Variants in EIF3D observed in about 807,000 individuals in gnomAD.
EIF3D encodes the protein eukaryotic translation initiation factor 3 subunit D, also known as eIF3 p66.
A neutral mutation model predicts 75.4 loss-of-function variants in EIF3D; 10 were observed. The ratio of observed to expected loss-of-function variants is 0.13; its 90% CI spans 0.08 to 0.22. The LOEUF (loss-of-function observed/expected upper bound fraction) is 0.22. EIF3D is among the 10% of genes least tolerant of loss of function. The probability of loss-of-function intolerance (pLI) is 1.00; values close to 1 mark genes in which losing one functional copy is unlikely to be tolerated. For missense variants in EIF3D, 394 were observed against 708.0 expected (o/e 0.56, Z 5.03); for synonymous variants, 246 against 248.3 (o/e 0.99, Z 0.09).
chr22:36,521,858 AC>A (rs1191100800), intron 6 of EIF3D, among the ~76,000 whole-genome samples: 8 of 151,908 alleles, frequency 5.3e-5, no homozygotes, highest in African/African-American at 1.9e-4. Flanking sequence ...AATCACTTTA[AC>A]CCGGGAGGCG....
At chr22:36,525,748 AC>A (rs774146602) in intron 2 of EIF3D, 39 bp from the exon 3 acceptor site, 1 of 1,599,450 alleles carries the variant, frequency 6.3e-7, no homozygotes, top group Non-Finnish European at 8.5e-7. Flanking sequence ...GCACAGGTCA[AC>A]CAGGCAAGTT....
At chr22:36,524,571 G>C (rs1159105760) in intron 4 of EIF3D, 25 bp downstream of exon 4, 1 of 1,613,838 alleles carries the variant, frequency 6.2e-7, no homozygotes, top group Non-Finnish European at 8.5e-7. Flanking sequence ...CCCCAAGATG[G>C]TGTGGTTGCT....
intron 12 of EIF3D, among the ~76,000 whole-genome samples, chr22:36,514,421 A>G (rs561056455): frequency 6.6e-6 from 1 of 152,254 alleles, no homozygotes; most frequent in East Asian, 1.9e-4. Flanking sequence ...CCTACCTTGT[A>G]TGTCAAAAGG....
intron 6 of EIF3D, among the ~76,000 whole-genome samples, chr22:36,520,903 C>T (rs957064298): frequency 1.3e-5 from 2 of 149,966 alleles, no homozygotes; most frequent in Admixed American, 1.3e-4. Flanking sequence ...CTGAGTGACA[C>T]GAGATCCTGT....
intron 9 of EIF3D, 141 bp from the exon 10 acceptor site, chr22:36,517,572 G>A (rs1934448019): frequency 3.2e-6 from 3 of 945,316 alleles, no homozygotes; most frequent in South Asian, 4.1e-5. Context: ...GGTCTCCCTG[G>A]TGTGGAACAC....
At chr22:36,511,294 C>A in intron 14 of EIF3D, 1 of 1,044,740 alleles carries the variant, frequency 9.6e-7, no homozygotes, top group East Asian at 2.5e-5. Context: ...CCAGCCGCTT[C>A]TCTAAAACAC....
intron 3 of EIF3D, 85 bp from the exon 4 acceptor site, chr22:36,524,817 T>C (rs1934570418): frequency 1.3e-6 from 2 of 1,575,940 alleles, no homozygotes; most frequent in South Asian, 1.1e-5. Flanking sequence ...CTATTTCAAG[T>C]GTGGTCTTGA....
At chr22:36,515,419 T>A (rs191213730) in intron 12 of EIF3D, among the ~76,000 whole-genome samples, 2 of 152,034 alleles carry the variant, frequency 1.3e-5, no homozygotes, top group East Asian at 3.9e-4. Flanking sequence ...TCCTAGCTAC[T>A]CGGGAGGCTG....
chr22:36,510,948 T>C lies in EIF3D; in HGVS notation c.*39A>G. 3.8e-6 allele frequency: 6 copies of C among 1,591,808 alleles called. No homozygotes were observed. Among genetic ancestry groups the C allele is most frequent in the Non-Finnish European group, 5.1e-6 (6 of 1,172,358 alleles). On this transcript the variant is annotated 3_prime_UTR_variant, in exon 15 of 15. Coordinates refer to ENST00000216190, the MANE Select transcript of EIF3D (RefSeq NM_003753.4). ...CACTAAGCATCAAAGGCCCTCGTAG[T>C]CTCGGTGGAAGGACAAACTCCAGCT...
At chr22:36,511,269 T>A (rs1934329932) in intron 14 of EIF3D, 5 of 879,726 alleles carry the variant, frequency 5.7e-6, no homozygotes, top group Non-Finnish European at 8.4e-6. Flanking sequence ...CATCTTCCTC[T>A]ACCTCTGCCA....
chr22:36,527,402 T>C (rs1934621850), intron 1 of EIF3D, among the ~76,000 whole-genome samples: 1 of 152,250 alleles, frequency 6.6e-6, no homozygotes, highest in African/African-American at 2.4e-5. Context: ...CATAATGCTA[T>C]AGCCCTCTTG....
Position 36,512,591 on chromosome 22 carries a change from G to A in EIF3D, c.1218C>T (p.Gly406=), listed in dbSNP as rs180927702. The A allele has an allele frequency of 1.4e-5, 22 of 1,613,668 alleles. No homozygotes were observed. The highest frequency in any genetic ancestry group is 3.3e-5 in the South Asian group (3 of 91,042). ...AGTCCAGCTTCTGACGCCAGTCAAC[G>A]CCATTACAGTGCTGCAGGAGAGCCC... ...LNEWDSRHCN[G]VDWRQKLDSQ... The change falls in exon 13 of 15, where the codon GGC becomes GGT. Residue 406 remains glycine (G), a synonymous_variant. Transcript: ENST00000216190.
chr22:36,527,636 C>T (rs557451272), intron 1 of EIF3D, among the ~76,000 whole-genome samples: 5 of 152,244 alleles, frequency 3.3e-5, no homozygotes, highest in South Asian at 4.1e-4. Context: ...GTCAGCAGTT[C>T]GAGACCAGCC....
intron 12 of EIF3D, chr22:36,512,864 C>CGG (rs1209015490): frequency 3.3e-6 from 1 of 307,412 alleles, no homozygotes; most frequent in African/African-American, 2.2e-5. Flanking sequence ...CACGGACACA[C>CGG]ACACACACAC....
intron 6 of EIF3D, among the ~76,000 whole-genome samples, chr22:36,521,905 T>C (rs1934520366): frequency 1.3e-5 from 2 of 151,910 alleles, no homozygotes; most frequent in Admixed American, 1.3e-4. Flanking sequence ...CCACTGGCAC[T>C]GCAGCTTGGG....
Position 36,512,051 on chromosome 22 carries a change from C to T in EIF3D, c.1350-265G>A, listed in dbSNP as rs529520696. On this transcript the variant is annotated intron_variant, in intron 13 of 14. Transcript: ENST00000216190. The stretch of plus-strand genomic sequence containing the variant: ...GGCTACAGGCGCCCGCCACTACGCC[C>T]GGCTAATTTTTTGTATTTTTAGTTG... 3.4e-3 allele frequency among the ~76,000 whole-genome samples: 522 copies of T among 152,176 alleles called. 4 individuals are homozygous for T. Among genetic ancestry groups the T allele is most frequent in the African/African-American group, 0.011 (477 of 41,512 alleles).
chr22:36,516,130 A>G (rs144706606), intron 12 of EIF3D: 1 of 191,916 alleles, frequency 5.2e-6, no homozygotes, highest in African/African-American at 2.3e-5. Context: ...CAACCCAGAT[A>G]ATAAGGAGAG....
rs1165394898 is a variant in EIF3D at position 36,519,498 on chromosome 22, A to G, written c.618T>C (p.Phe206=). The G allele has an allele frequency of 3.1e-6, 5 of 1,614,198 alleles. No homozygotes were observed. In the South Asian group the frequency reaches 5.5e-5, roughly 18 times the overall value. ...TCTCACTCCTCGTGGTGATGCGGTC[A>G]AAGGCTTTGTCGTAGTATTCTAGGG... ...CGALEYYDKA[F]DRITTRSEKP... Residue 206 remains phenylalanine (F), a synonymous_variant, in exon 8 of 15, where the codon TTT becomes TTC. Transcript: ENST00000216190.
intron 1 of EIF3D, among the ~76,000 whole-genome samples, chr22:36,528,423 T>C (rs1234424675): frequency 6.6e-6 from 1 of 151,054 alleles, no homozygotes; most frequent in Non-Finnish European, 1.5e-5. Flanking sequence ...AATAAATGTT[T>C]TTTTTTTTAA....
Sources: gnomAD v4.1 joint callset for allele counts (sites outside exome capture counted in the v4.1 genomes callset) on GRCh38, gnomAD v4.1.1 for gene constraint, MANE v1.5 for transcripts, NCBI Gene and HGNC (gene_info 2026-07-23, HGNC 2026-07-21) for gene names.